Variants in ROBO2 observed in about 807,000 individuals in gnomAD.
ROBO2 encodes the protein roundabout guidance receptor 2, also known as roundabout homolog 2.
In ROBO2, 53 loss-of-function variants were observed where a neutral mutation model predicts 160.8. The ratio of observed to expected loss-of-function variants is 0.33; its 90% CI spans 0.26 to 0.41. The LOEUF (loss-of-function observed/expected upper bound fraction) is 0.41. Ranked by LOEUF, ROBO2 falls within the 10% of genes least tolerant of loss-of-function variation. The pLI is 1.00. For missense variants in ROBO2, 1,577 were observed against 1,722.4 expected (o/e 0.92, Z 1.49); for synonymous variants, 664 against 611.7 (o/e 1.09, Z -1.26).
At chr3:76,203,488 A>G (rs535247801) in intron 2 of ROBO2, among the ~76,000 whole-genome samples, 1 of 147,370 alleles carries the variant, frequency 6.8e-6, no homozygotes, top group South Asian at 2.2e-4. Flanking sequence ...TCAACAGATC[A>G]CAGGTCAGGG....
intron 5 of ROBO2, among the ~76,000 whole-genome samples, chr3:77,497,359 T>C (rs775840026): frequency 4.1e-4 from 63 of 152,134 alleles, no homozygotes; most frequent in Admixed American, 3.5e-3. Flanking sequence ...ATAATGATTA[T>C]GATTTTTGAA....
intron 2 of ROBO2, among the ~76,000 whole-genome samples, chr3:76,419,246 C>T (rs2075888215): frequency 6.6e-6 from 1 of 152,164 alleles, no homozygotes. Flanking sequence ...CTGTGAACAA[C>T]ATTGCCATTA....
At chr3:76,334,170 G>A (rs771859851) in intron 2 of ROBO2, among the ~76,000 whole-genome samples, 2 of 152,024 alleles carry the variant, frequency 1.3e-5, no homozygotes, top group Non-Finnish European at 2.9e-5. Flanking sequence ...ACATATAAAA[G>A]AAGCCTAGCT....
intron 2 of ROBO2, among the ~76,000 whole-genome samples, chr3:77,460,151 G>A (rs1388690757): frequency 2.0e-5 from 3 of 152,016 alleles, no homozygotes; most frequent in Non-Finnish European, 1.5e-5. Flanking sequence ...CAGGAAAATC[G>A]GGTGGATTCT....
chr3:77,071,800 C>A (rs560111469), intron 1 of ROBO2, among the ~76,000 whole-genome samples: 1 of 152,164 alleles, frequency 6.6e-6, no homozygotes, highest in Non-Finnish European at 1.5e-5. Context: ...CTTACTTGCA[C>A]GAGGCTGAGC....
chr3:76,129,972 A>C (rs1267605689), intron 2 of ROBO2, among the ~76,000 whole-genome samples: 1 of 152,120 alleles, frequency 6.6e-6, no homozygotes, highest in Non-Finnish European at 1.5e-5. Context: ...AACTAAAAGA[A>C]AGTTAATAAA....
At chr3:76,754,288 T>C (rs1338560869) in intron 2 of ROBO2, among the ~76,000 whole-genome samples, 1 of 151,898 alleles carries the variant, frequency 6.6e-6, no homozygotes, top group Admixed American at 6.6e-5. Context: ...TCAAATAGCT[T>C]TTGAAGGTGT....
intron 9 of ROBO2, among the ~76,000 whole-genome samples, chr3:77,560,536 A>T (rs1321738916): frequency 6.6e-6 from 1 of 151,930 alleles, no homozygotes; most frequent in Non-Finnish European, 1.5e-5. Context: ...CCAATAGTTC[A>T]CTCATACAGT....
intron 2 of ROBO2, among the ~76,000 whole-genome samples, chr3:77,446,670 A>T (rs1017785477): frequency 1.3e-5 from 2 of 152,080 alleles, no homozygotes; most frequent in Admixed American, 6.6e-5. Flanking sequence ...ATTCCCACAT[A>T]TTATAATTTC....
intron 2 of ROBO2, among the ~76,000 whole-genome samples, chr3:77,193,614 C>CT (rs1435390325): frequency 3.9e-5 from 6 of 152,074 alleles, no homozygotes; most frequent in African/African-American, 1.4e-4. Flanking sequence ...AAATTTCCTT[C>CT]TTTTTGCTAA....
chr3:77,596,795 CTTTTT>C lies in ROBO2; in HGVS notation c.2854+54_2854+58del, dbSNP rs35328861. The stretch of plus-strand genomic sequence containing the variant: ...ATAGTGTTATTTGAGTTCTCTCTCT[CTTTTT>C]TTTTTTTTGACCTTCCTGGATTTTT... On this transcript the variant is annotated intron_variant, in intron 19 of 25. Coordinates refer to ENST00000461745, the Ensembl canonical transcript of ROBO2. The C allele has an allele frequency of 3.5e-6, 5 of 1,413,304 alleles. No homozygotes were observed. The African/African-American group carries it at 4.5e-5, about 13-fold the overall frequency. The allele number at this position is 1,413,304 out of a possible 1,614,324, so 87.5% of individuals were successfully genotyped here.
At chr3:77,095,535 C>T (rs1382296411) in intron 1 of ROBO2, among the ~76,000 whole-genome samples, 2 of 151,994 alleles carry the variant, frequency 1.3e-5, no homozygotes, top group Non-Finnish European at 2.9e-5. Flanking sequence ...AACAGTTTTG[C>T]AGTAGGGAGA....
At chr3:77,516,005 A>C (rs914525404) in intron 5 of ROBO2, among the ~76,000 whole-genome samples, 5 of 151,546 alleles carry the variant, frequency 3.3e-5, no homozygotes, top group Non-Finnish European at 7.4e-5. Context: ...TTTATCTATT[A>C]TCATAGAGGT....
chr3:75,909,304 A>G (rs1166450681), intron 1 of ROBO2, among the ~76,000 whole-genome samples: 3 of 152,076 alleles, frequency 2.0e-5, no homozygotes, highest in Non-Finnish European at 4.4e-5. Context: ...AGTTTTTTGG[A>G]GGGAGGGAGC....
At chr3:77,493,193 C>T (rs758153221) in intron 4 of ROBO2, 51 bp from the exon 5 acceptor site, 3 of 1,583,474 alleles carry the variant, frequency 1.9e-6, no homozygotes, top group Admixed American at 1.7e-5. Context: ...GTACTTAAAG[C>T]ATGCATAATA....
exon 10 of ROBO2, chr3:77,562,693 A>G (rs1225503967): frequency 3.1e-6 from 5 of 1,612,718 alleles, no homozygotes; most frequent in Non-Finnish European, 4.2e-6. Flanking sequence ...TACAAGTTCA[A>G]GTGGAGAGAC....
At chr3:77,025,099 G>A (rs2062882054) in intron 2 of ROBO2, among the ~76,000 whole-genome samples, 1 of 152,268 alleles carries the variant, frequency 6.6e-6, no homozygotes, top group Admixed American at 6.5e-5. Flanking sequence ...TTTAAAATAT[G>A]TGGTGGTGAG....
At chr3:76,006,604 C>G (rs189857310) in intron 2 of ROBO2, among the ~76,000 whole-genome samples, 3 of 152,104 alleles carry the variant, frequency 2.0e-5, no homozygotes, top group African/African-American at 7.2e-5. Flanking sequence ...TGACTTTTAG[C>G]AAGTTATGTA....
At chr3:76,499,726 C>T (rs914036717) in intron 2 of ROBO2, among the ~76,000 whole-genome samples, 2 of 152,188 alleles carry the variant, frequency 1.3e-5, no homozygotes, top group African/African-American at 2.4e-5. Flanking sequence ...GTGCAACAGA[C>T]ATTTCAAAGA....
Sources: allele counts gnomAD v4.1 joint callset (sites outside exome capture counted in the v4.1 genomes callset), GRCh38; gene constraint gnomAD v4.1.1; transcripts MANE v1.5; gene names NCBI Gene and HGNC (gene_info 2026-07-23, HGNC 2026-07-21).